Variants in CNTNAP1 observed in about 807,000 individuals in gnomAD.
The protein encoded by CNTNAP1 is contactin associated protein 1, also known as contactin-associated protein 1.
CNTNAP1 carries 80 observed loss-of-function variants against 161.5 expected under a neutral mutation model. The ratio of observed to expected loss-of-function variants is 0.50; its 90% CI spans 0.41 to 0.60. The LOEUF is 0.60. CNTNAP1 is among the 20% of genes least tolerant of loss of function. CNTNAP1 has a pLI of 0.00. For missense variants in CNTNAP1, 1,464 were observed against 1,854.8 expected, an observed-to-expected ratio of 0.79 and a Z score of 3.87; for synonymous variants, 695 against 733.1, an observed-to-expected ratio of 0.95 and a Z score of 0.84.
intron 12 of CNTNAP1, 99 bp from the exon 13 acceptor site, chr17:42,690,640 C>T: frequency 8.1e-7 from 1 of 1,230,500 alleles, no homozygotes; most frequent in Non-Finnish European, 1.2e-6. Context: ...TGGCCACGTT[C>T]AGTGGCTCTG....
rs1262338128 is a variant in CNTNAP1, at chr17:42,691,075, G to A, written c.2060-62G>A. On this transcript the variant is annotated intron_variant, in intron 13 of 23. Coordinates refer to ENST00000264638, the MANE Select transcript of CNTNAP1 (RefSeq NM_003632.3). This position sits in a 1 kb window ranked among gnomAD's most constrained non-coding sequence, Gnocchi z 4.3. ...AGGGGTCTGAACTCGCTGGAAGGGCGAGAGGAGCCCAGAGGCTAATGGAGG... is the reference window on the plus strand; with the variant it reads ...AGGGGTCTGAACTCGCTGGAAGGGCAAGAGGAGCCCAGAGGCTAATGGAGG... 6 of 1,600,636 alleles carry A rather than the reference G, an allele frequency of 3.7e-6. No homozygotes were observed. The highest frequency in any genetic ancestry group is 2.2e-5 in the East Asian group (1 of 44,782).
intron 20 of CNTNAP1, among the ~76,000 whole-genome samples, chr17:42,696,632 G>A (rs1167290507): frequency 6.6e-6 from 1 of 152,008 alleles, no homozygotes; most frequent in African/African-American, 2.4e-5. Flanking sequence ...CAGACAATAG[G>A]CATTCTTATT....
intron 6 of CNTNAP1, among the ~76,000 whole-genome samples, chr17:42,686,469 G>GTTTTTTTTTTTTTTTTTTTTTTTTT (rs748366958): frequency 5.6e-5 from 4 of 71,364 alleles, no homozygotes; most frequent in Non-Finnish European, 1.0e-4. Context: ...AAAAAGGCCT[G>GTTTTTTTTTTTTTTTTTTTTTTTTT]TTTTTTTTTT....
chr17:42,694,428 T>C (rs1327494454), intron 18 of CNTNAP1, among the ~76,000 whole-genome samples: 3 of 152,092 alleles, frequency 2.0e-5, no homozygotes, highest in African/African-American at 4.8e-5. Context: ...CACCTTGGCC[T>C]CCCAAAGTGC....
Position 42,685,060 on chromosome 17 carries a change from T to C in CNTNAP1, c.433T>C (p.Tyr145His). The change falls in exon 4 of 24, where the codon TAC (tyrosine) becomes CAC (histidine). Residue 145 changes from tyrosine (Y) to histidine (H), a missense_variant. This residue lies in a region of CNTNAP1 where 1,383 missense variants were observed against 1,765.0 expected (regional missense o/e 0.78). Transcript: ENST00000264638. This position sits in a 1 kb window ranked among gnomAD's most constrained non-coding sequence, Gnocchi z 5.0. ...HDLHFHFTARYIRIVPLAWNP... is the reference protein window; with the variant it reads ...HDLHFHFTARHIRIVPLAWNP... ...CCTGCACTTCCACTTCACTGCGCGCTACATCCGCATCGTGCCCCTGGCCTG... is the reference window on the plus strand; with the variant it reads ...CCTGCACTTCCACTTCACTGCGCGCCACATCCGCATCGTGCCCCTGGCCTG... 6.3e-7 allele frequency: 1 copy of C among 1,582,456 alleles called. No homozygotes were observed. The highest frequency in any genetic ancestry group is 1.2e-5 in the South Asian group (1 of 85,602).
chr17:42,692,084 C>T, intron 16 of CNTNAP1, 93 bp downstream of exon 16: 2 of 1,314,906 alleles, frequency 1.5e-6, no homozygotes, highest in African/African-American at 1.5e-5. Context: ...AGGGCAGATG[C>T]CCTTTTGACA....
In CNTNAP1 at chr17:42,687,645, C is replaced by G; in HGVS notation, c.1045-75C>G. On this transcript the variant is annotated intron_variant, in intron 7 of 23. Transcript: ENST00000264638. This position sits in a 1 kb window ranked among gnomAD's most constrained non-coding sequence, Gnocchi z 4.7. ...GAGGGCGGTGACCAGGGTCTTAGAC[C>G]GGTGTGAAAACTGAATTCCCAGCTG... 5.8e-6 allele frequency: 9 copies of G among 1,560,566 alleles called. No homozygotes were observed. The highest frequency in any genetic ancestry group is 2.4e-5 in the South Asian group (2 of 82,856).
intron 1 of CNTNAP1, chr17:42,683,123 G>T: frequency 1.6e-6 from 1 of 609,296 alleles, no homozygotes; most frequent in Non-Finnish European, 2.8e-6. Flanking sequence ...TGAAGTCAGC[G>T]GGCAGGGATT....
At position 42,686,955 on chromosome 17, in the gene CNTNAP1, A is replaced by T; in HGVS notation, c.953A>T (p.His318Leu). The change falls in exon 7 of 24, where the codon CAT becomes CTT. Residue 318 changes from histidine (H) to leucine (L), a missense_variant. Transcript: ENST00000264638. ...GAARKNLAYR[H>L]NFRGCIENVI... Reference sequence around the variant, plus strand: ...GCGCGGAAGAACCTGGCCTATCGGCATAACTTCCGCGGCTGCATAGAAAAC... The same window carrying T: ...GCGCGGAAGAACCTGGCCTATCGGCTTAACTTCCGCGGCTGCATAGAAAAC... The T allele has an allele frequency of 6.2e-7, 1 of 1,613,932 alleles. No individual in the cohort carries two copies. The highest frequency in any genetic ancestry group is 8.5e-7 in the Non-Finnish European group (1 of 1,179,896).
In CNTNAP1 at chr17:42,690,922, C is replaced by T; in HGVS notation, c.2039C>T (p.Ser680Phe). Residue 680 changes from serine (S) to phenylalanine (F), a missense_variant, in exon 13 of 24, where the codon TCC becomes TTC. Around this residue, in one of 3 missense-constraint regions of CNTNAP1, gnomAD observed 1,383 missense variants for 1,765.0 expected, o/e 0.78. Transcript: ENST00000264638. ...TGGATCGAGTTCTCCTGCTACAATT[C>T]CCGGCTGCTCAACACTGCAGGTTAG... ...EQWIEFSCYNSRLLNTAGGYP... is the reference protein window; with the variant it reads ...EQWIEFSCYNFRLLNTAGGYP... 2 of 1,614,190 alleles carry T rather than the reference C, an allele frequency of 1.2e-6. No homozygotes were observed. Among genetic ancestry groups the T allele is most frequent in the Non-Finnish European group, 1.7e-6 (2 of 1,180,044 alleles).
At position 42,685,626 on chromosome 17, in the gene CNTNAP1, C is replaced by G. The variant is rs1028995469; in HGVS notation, c.715+206C>G. Among the ~76,000 whole-genome samples the G allele has an allele frequency of 6.6e-6, 1 of 152,254 alleles. No homozygotes were observed. Among genetic ancestry groups the G allele is most frequent in the Non-Finnish European group, 1.5e-5 (1 of 68,050 alleles). On this transcript the variant is annotated intron_variant, in intron 5 of 23. Coordinates refer to ENST00000264638, the MANE Select transcript of CNTNAP1 (RefSeq NM_003632.3). The surrounding 1 kb of genome is among the most constrained non-coding windows in gnomAD (Gnocchi z 5.0). ...CTGGATTCCAGTCTCAGCTCTACCA[C>G]TACACAGAGATGTGACCTCGGATGG...
Position 42,685,102 on chromosome 17 carries a change from A to C in CNTNAP1, c.475A>C (p.Ile159Leu). The C allele has an allele frequency of 6.3e-7, 1 of 1,580,046 alleles. No individual in the cohort carries two copies. Among genetic ancestry groups the C allele is most frequent in the Non-Finnish European group, 8.6e-7 (1 of 1,161,872 alleles). Residue 159 changes from isoleucine to leucine, a missense_variant, in exon 4 of 24, where the codon ATC becomes CTC. This residue lies in a region of CNTNAP1 where 1,383 missense variants were observed against 1,765.0 expected (regional missense o/e 0.78). Transcript: ENST00000264638. This position sits in a 1 kb window ranked among gnomAD's most constrained non-coding sequence, Gnocchi z 5.0. The part of the protein sequence containing the change: ...VPLAWNPRGK[I>L]GLRLGLYGCP... ...CCTGGCCTGGAACCCACGCGGCAAG[A>C]TCGGCCTGAGGCTCGGCCTCTATGG...
intron 12 of CNTNAP1, 35 bp from the exon 13 acceptor site, chr17:42,690,704 C>T: frequency 6.3e-7 from 1 of 1,599,958 alleles, no homozygotes; most frequent in Non-Finnish European, 8.6e-7. Context: ...GAATGCCCAA[C>T]TCCAGCCAAA....
Position 42,682,752 on chromosome 17 carries a change from G to A in CNTNAP1, c.-78G>A. ...GTCTGCTGCAAACCCCAGGAGGAGAGCTTGGAGCCCAAGCCAGAACTCGAG... is the reference window on the plus strand; with the variant it reads ...GTCTGCTGCAAACCCCAGGAGGAGAACTTGGAGCCCAAGCCAGAACTCGAG... On this transcript the variant is annotated 5_prime_UTR_variant, in exon 1 of 24. Coordinates refer to ENST00000264638, the MANE Select transcript of CNTNAP1 (RefSeq NM_003632.3). 1.4e-6 allele frequency: 2 copies of A among 1,453,582 alleles called. No homozygotes were observed. The highest frequency in any genetic ancestry group is 1.9e-6 in the Non-Finnish European group (2 of 1,068,802). The allele number at this position is 1,453,582 out of a possible 1,614,324, so 90.0% of individuals were successfully genotyped here.
chr17:42,689,760 A>C, intron 11 of CNTNAP1, 133 bp downstream of exon 11: 1 of 741,932 alleles, frequency 1.3e-6, no homozygotes, highest in Non-Finnish European at 2.3e-6. Context: ...GGTTTTTTTG[A>C]GACAGAGTCT....
chr17:42,691,714 T>G lies in CNTNAP1; in HGVS notation c.2345-92T>G. On this transcript the variant is annotated intron_variant, in intron 15 of 23. Transcript: ENST00000264638. This position sits in a 1 kb window ranked among gnomAD's most constrained non-coding sequence, Gnocchi z 4.3. ...CTCCGTCACCTCAAACCCTCCCCCT[T>G]TGCCCAACCTTCCCTGCCCCCAACC... 1.4e-6 allele frequency: 2 copies of G among 1,425,620 alleles called. No homozygotes were observed. The highest frequency in any genetic ancestry group is 2.0e-6 in the Non-Finnish European group (2 of 1,023,406). 88.3% of individuals were successfully genotyped at this position (1,425,620 alleles called of 1,614,324 possible). A position where few individuals can be genotyped will look rare whatever the true frequency, so the allele number is the denominator to read the frequency against.
Position 42,684,072 on chromosome 17 carries a change from A to C in CNTNAP1, c.206A>C (p.Asn69Thr). Residue 69 changes from asparagine to threonine, a missense_variant, in exon 3 of 24, where the codon AAT becomes ACT. By Grantham distance (65) the Asn-to-Thr change is moderately conservative. Coordinates refer to ENST00000264638, the MANE Select transcript of CNTNAP1 (RefSeq NM_003632.3). Reference sequence around the variant, plus strand: ...TGGTCACCACGGATTGGGGATCCGAATCCCTGGCTCCAGATAGACTTAATG... The same window carrying C: ...TGGTCACCACGGATTGGGGATCCGACTCCCTGGCTCCAGATAGACTTAATG... ...SGWSPRIGDP[N>T]PWLQIDLMKK... The C allele has an allele frequency of 6.2e-7, 1 of 1,614,204 alleles. No homozygotes were observed. Among genetic ancestry groups the C allele is most frequent in the Non-Finnish European group, 8.5e-7 (1 of 1,180,018 alleles).
In CNTNAP1 at chr17:42,697,949, CTG is replaced by C; in HGVS notation, c.3862+2_3862+3del. ...AAGGATGGGTTGCCATACTTTTAGG[CTG>C]TGAGTAGCACTGATCACTAAGCTGA... is the stretch of plus-strand genomic sequence containing the variant. On this transcript the variant is annotated splice_donor_variant and coding_sequence_variant, in exon 23 of 24. Coordinates refer to ENST00000264638, the MANE Select transcript of CNTNAP1 (RefSeq NM_003632.3). LOFTEE classifies it high-confidence loss of function. The C allele has an allele frequency of 6.2e-7, 1 of 1,614,182 alleles. No individual in the cohort carries two copies. The highest frequency in any genetic ancestry group is 1.1e-5 in the South Asian group (1 of 91,082).
chr17:42,683,209 G>A (rs1409461437), intron 1 of CNTNAP1: 5 of 517,876 alleles, frequency 9.7e-6, no homozygotes, highest in Non-Finnish European at 1.6e-5. Context: ...ACTGGTGACC[G>A]ATACTAGGAT....
Sources: gnomAD v4.1 joint callset for allele counts (sites outside exome capture counted in the v4.1 genomes callset) on GRCh38, gnomAD v4.1.1 for gene constraint, gnomAD v4.1.1 regional missense constraint, Gnocchi (gnomAD v3.1) non-coding constraint, MANE v1.5 for transcripts, NCBI Gene and HGNC (gene_info 2026-07-23, HGNC 2026-07-21) for gene names.